The following KDM7A variants were observed in gnomAD, a reference collection of about 807,000 sequenced individuals.
KDM7A encodes lysine demethylase 7A, also known as lysine-specific demethylase 7A.
In KDM7A, 28 loss-of-function variants were observed where a neutral mutation model predicts 114.8. The ratio of observed to expected loss-of-function variants is 0.24; its 90% CI spans 0.18 to 0.33. The LOEUF (loss-of-function observed/expected upper bound fraction) is 0.33, where lower values mean the gene tolerates loss of function less well. Among genes scored for constraint, KDM7A ranks in the 10% least tolerant of loss-of-function variants. The pLI is 1.00. For missense variants in KDM7A, 942 were observed against 1,142.5 expected, an observed-to-expected ratio of 0.82 and a Z score of 2.53; for synonymous variants, 423 against 397.8, an observed-to-expected ratio of 1.06 and a Z score of -0.75.
chr7:140,100,924 C>T (rs1818216274), intron 12 of KDM7A, among the ~76,000 whole-genome samples: 1 of 150,940 alleles, frequency 6.6e-6, no homozygotes, highest in South Asian at 2.1e-4. Context: ...CTGCGCCTGG[C>T]TAATTTTTTG....
At chr7:140,130,586 A>C (rs1489235158) in intron 3 of KDM7A, among the ~76,000 whole-genome samples, 1 of 152,030 alleles carries the variant, frequency 6.6e-6, no homozygotes, top group African/African-American at 2.4e-5. Flanking sequence ...TCACCATTGC[A>C]CTCCAGCCTG....
chr7:140,104,793 T>A (rs577568228), intron 11 of KDM7A, among the ~76,000 whole-genome samples: 2 of 151,624 alleles, frequency 1.3e-5, no homozygotes, highest in African/African-American at 4.9e-5. Context: ...TTTGGTTCCA[T>A]ATGAACTTTA....
intron 1 of KDM7A, among the ~76,000 whole-genome samples, chr7:140,172,435 C>CCT (rs1164222375): frequency 7.2e-5 from 11 of 152,166 alleles, no homozygotes; most frequent in Non-Finnish European, 1.0e-4. Flanking sequence ...GGGTGGATCA[C>CCT]GAGGTCAGGA....
intron 1 of KDM7A, among the ~76,000 whole-genome samples, chr7:140,172,642 A>G (rs531077490): frequency 6.6e-5 from 10 of 152,004 alleles, no homozygotes; most frequent in Non-Finnish European, 1.2e-4. Context: ...GACAGAGCGA[A>G]ACTCCGTCTC....
rs116014502 is a variant in KDM7A, at chr7:140,102,294, T to C, written c.1429-134A>G. The C allele has an allele frequency of 6.3e-4, 419 of 662,022 alleles. No homozygotes were observed. In the African/African-American group the frequency reaches 6.8e-3, roughly 11 times the overall value. The allele number at this position is 662,022 out of a possible 1,614,324, so 41.0% of individuals were successfully genotyped here. On this transcript the variant is annotated intron_variant, in intron 11 of 19. Transcript: ENST00000397560. The stretch of plus-strand genomic sequence containing the variant: ...CCATATAAACACAAAAAAGACTAAA[T>C]CCTAAGCTTCAAACAGCTTTGCTGA...
intron 12 of KDM7A, among the ~76,000 whole-genome samples, 172 bp downstream of exon 12, chr7:140,101,779 T>C (rs1222883679): frequency 6.6e-6 from 1 of 152,116 alleles, no homozygotes; most frequent in Non-Finnish European, 1.5e-5. Context: ...ACACTAAAAC[T>C]TAGAAAGATT....
chr7:140,150,106 G>A (rs570477002), intron 1 of KDM7A, among the ~76,000 whole-genome samples: 14 of 152,250 alleles, frequency 9.2e-5, no homozygotes, highest in African/African-American at 3.4e-4. Flanking sequence ...AAGGAAAGGT[G>A]AAACAGCACT....
chr7:140,157,149 G>C (rs1316124673), intron 1 of KDM7A, among the ~76,000 whole-genome samples: 1 of 152,216 alleles, frequency 6.6e-6, no homozygotes, highest in Non-Finnish European at 1.5e-5. Context: ...ATCCACAATT[G>C]AGCTGTATAG....
intron 1 of KDM7A, among the ~76,000 whole-genome samples, chr7:140,140,830 A>ATTT (rs1794264143): frequency 6.6e-6 from 1 of 152,144 alleles, no homozygotes; most frequent in Non-Finnish European, 1.5e-5. Context: ...TGGAGGATCG[A>ATTT]ACTGGTACAG....
rs563193142 is a variant in KDM7A at position 140,116,700 on chromosome 7, ATAAAG to A, written c.1246+2408_1246+2412del. Among the ~76,000 whole-genome samples the A allele has an allele frequency of 8.7e-4, 130 of 149,592 alleles. 1 individual carries two copies. Among genetic ancestry groups the A allele is most frequent in the South Asian group, 2.7e-3 (13 of 4,740 alleles). On this transcript the variant is annotated intron_variant, in intron 9 of 19. Transcript: ENST00000397560. ...TATAATCAACTATTTTAATAACATAATAAAGTAAATATAAACACACATCAACAAAA... is the reference window on the plus strand; with the variant it reads ...TATAATCAACTATTTTAATAACATAATAAATATAAACACACATCAACAAAA...
chr7:140,174,708 C>T (rs1043284619), intron 1 of KDM7A, among the ~76,000 whole-genome samples: 7 of 152,108 alleles, frequency 4.6e-5, no homozygotes, highest in African/African-American at 1.4e-4. Flanking sequence ...TCAAAAGATT[C>T]TCCTGCCTCA....
At chr7:140,157,842 G>A (rs1299235789) in intron 1 of KDM7A, among the ~76,000 whole-genome samples, 1 of 151,396 alleles carries the variant, frequency 6.6e-6, no homozygotes, top group African/African-American at 2.4e-5. Context: ...GGTGGCACAC[G>A]CCTGTAATCC....
intron 1 of KDM7A, among the ~76,000 whole-genome samples, chr7:140,156,084 T>C (rs989216026): frequency 7.2e-5 from 11 of 152,244 alleles, no homozygotes; most frequent in African/African-American, 1.9e-4. Context: ...GGGAGGTTTC[T>C]AGTGTTTTGA....
intron 11 of KDM7A, among the ~76,000 whole-genome samples, chr7:140,105,558 G>C (rs775381253): frequency 6.6e-6 from 1 of 152,154 alleles, no homozygotes; most frequent in Non-Finnish European, 1.5e-5. Context: ...TGTGGTTTTT[G>C]TCTTCGGTTC....
chr7:140,105,863 G>T (rs921555606), intron 11 of KDM7A, among the ~76,000 whole-genome samples: 2 of 152,318 alleles, frequency 1.3e-5, no homozygotes, highest in Admixed American at 1.3e-4. Context: ...CAAAAGGAAT[G>T]GTACCAGCTC....
intron 1 of KDM7A, among the ~76,000 whole-genome samples, chr7:140,142,351 G>T (rs1178389380): frequency 6.6e-6 from 1 of 150,448 alleles, no homozygotes; most frequent in Non-Finnish European, 1.5e-5. Context: ...CAGAGTAGCA[G>T]AAGACATTAC....
chr7:140,126,747 C>T lies in KDM7A; in HGVS notation c.778G>A (p.Val260Ile). ...WVENYWPDDS[V>I]FPKPFVQKYC... ...TTCTGAACAAATGGCTTGGGAAAGA[C>T]TGAATCATCTGGCCAATAATTTTCC... Residue 260 changes from valine to isoleucine, a missense_variant, in exon 6 of 20, where the codon GTC becomes ATC. Coordinates refer to ENST00000397560, the MANE Select transcript of KDM7A (RefSeq NM_030647.2). The T allele has an allele frequency of 6.2e-7, 1 of 1,614,036 alleles. No individual in the cohort carries two copies.
chr7:140,088,404 A>G lies in KDM7A; in HGVS notation c.*2690T>C, dbSNP rs1324591680. On this transcript the variant is annotated 3_prime_UTR_variant, in exon 20 of 20. Transcript: ENST00000397560. ...ATTACTAAAGTTGCATATGTTAATC[A>G]TAATTCTCAATTTTACATATTTGTA... 10 of 397,534 alleles carry G rather than the reference A, an allele frequency of 2.5e-5. No individual in the cohort carries two copies. Among genetic ancestry groups the G allele is most frequent in the Non-Finnish European group, 4.4e-5 (10 of 225,368 alleles). The allele number at this position is 397,534 out of a possible 1,614,324, so 24.6% of individuals were successfully genotyped here.
At chr7:140,126,036 C>G (rs548522253) in intron 6 of KDM7A, among the ~76,000 whole-genome samples, 15 of 152,310 alleles carry the variant, frequency 9.8e-5, no homozygotes, top group African/African-American at 3.4e-4. Context: ...TCTTGAGTAG[C>G]TGTGACTACA....
Sources: gnomAD v4.1 joint callset for allele counts (sites outside exome capture counted in the v4.1 genomes callset) on GRCh38, gnomAD v4.1.1 for gene constraint, MANE v1.5 for transcripts, NCBI Gene and HGNC (gene_info 2026-07-23, HGNC 2026-07-21) for gene names.